CRTC3: variants seen among roughly 807,000 people sequenced by gnomAD.
The protein encoded by CRTC3 is CREB-regulated transcription coactivator 3.
A neutral mutation model predicts 74.5 loss-of-function variants in CRTC3; 26 were observed. The observed-to-expected ratio is 0.35, with a 90% CI of 0.26 to 0.48. CRTC3 has a LOEUF of 0.48. Ranked by LOEUF, CRTC3 falls within the 20% of genes least tolerant of loss-of-function variation. The pLI, the probability that CRTC3 is intolerant of heterozygous loss-of-function variation, is 0.99. For synonymous variants in CRTC3, 377 were observed against 325.8 expected (o/e 1.16, Z -1.69); for missense variants, 760 against 787.3 (o/e 0.97, Z 0.41).
At chr15:90,570,699 A>G (rs1172535430) in intron 2 of CRTC3, among the ~76,000 whole-genome samples, 1 of 152,198 alleles carries the variant, frequency 6.6e-6, no homozygotes, top group Admixed American at 6.5e-5. Context: ...GATAACAGTA[A>G]TGCATCCTCA....
intron 2 of CRTC3, among the ~76,000 whole-genome samples, chr15:90,576,241 A>G (rs1180439184): frequency 3.9e-5 from 6 of 152,162 alleles, no homozygotes; most frequent in Non-Finnish European, 8.8e-5. Flanking sequence ...CCATCTCTAA[A>G]ATATAAATAA....
intron 2 of CRTC3, among the ~76,000 whole-genome samples, chr15:90,562,740 TGA>T (rs1272175071): frequency 2.0e-5 from 3 of 152,128 alleles, no homozygotes. Context: ...TCGCCTGAAC[TGA>T]GAGTCTCACC....
At chr15:90,612,469 C>T (rs1968386487) in intron 6 of CRTC3, among the ~76,000 whole-genome samples, 2 of 152,114 alleles carry the variant, frequency 1.3e-5, no homozygotes, top group East Asian at 3.9e-4. Context: ...GGGGCTGTCA[C>T]ATGGGGTATC....
chr15:90,571,190 T>C (rs1010948404), intron 2 of CRTC3, among the ~76,000 whole-genome samples: 5 of 152,048 alleles, frequency 3.3e-5, no homozygotes, highest in Admixed American at 2.0e-4. Flanking sequence ...TTCAGTCCAG[T>C]GGGAGAGGCA....
At chr15:90,598,282 A>C in intron 3 of CRTC3, 1 of 610,474 alleles carries the variant, frequency 1.6e-6, no homozygotes, top group Non-Finnish European at 2.9e-6. Context: ...GCCGCAGGTC[A>C]AGCAGCACAA....
rs139326712 is a variant in CRTC3, at chr15:90,565,091, C to T, written c.231+24954C>T. Reference sequence around the variant, plus strand: ...CCGAGTAGGTGGGATTACAGACATGCGTGACCACGCTGGCTAATTTTGTAT... The same window carrying T: ...CCGAGTAGGTGGGATTACAGACATGTGTGACCACGCTGGCTAATTTTGTAT... On this transcript the variant is annotated intron_variant, in intron 2 of 14. Transcript: ENST00000268184. Among the ~76,000 whole-genome samples the T allele has an allele frequency of 6.6e-4, 100 of 152,278 alleles. 1 individual carries two copies. The highest frequency in any genetic ancestry group is 2.4e-3 in the African/African-American group (98 of 41,544).
chr15:90,618,952 T>A (rs951711224), intron 8 of CRTC3, among the ~76,000 whole-genome samples: 1 of 152,184 alleles, frequency 6.6e-6, no homozygotes, highest in African/African-American at 2.4e-5. Context: ...TGTGCCCTCC[T>A]CCCTGAGTAC....
intron 1 of CRTC3, among the ~76,000 whole-genome samples, chr15:90,533,362 A>T (rs1205545939): frequency 6.7e-6 from 1 of 148,818 alleles, no homozygotes; most frequent in African/African-American, 2.5e-5. Flanking sequence ...CGGAGCTTGC[A>T]GTGAGCCGAG....
chr15:90,553,215 G>C (rs9920160), intron 2 of CRTC3, among the ~76,000 whole-genome samples: 3,455 of 152,022 alleles, frequency 0.023, 135 homozygotes, highest in African/African-American at 0.078. Context: ...TTAAGAGTTC[G>C]TACCTCCTGA....
chr15:90,598,596 G>A (rs1369358797), intron 3 of CRTC3: 7 of 694,476 alleles, frequency 1.0e-5, no homozygotes, highest in African/African-American at 7.0e-5. Context: ...CTTGGTGGAC[G>A]GTGGCCTCAC....
rs759678319 is a variant in CRTC3 at position 90,629,816 on chromosome 15, G to C, written c.1266+284G>C. On this transcript the variant is annotated intron_variant, in intron 11 of 14. Coordinates refer to ENST00000268184, the MANE Select transcript of CRTC3 (RefSeq NM_022769.5). The stretch of plus-strand genomic sequence containing the variant: ...GCGGCTCACTGCAGCCTCACCTCCC[G>C]GGCTCAAGCGATCTTCTCACCTTAG... Among the ~76,000 whole-genome samples the C allele has an allele frequency of 2.6e-5, 4 of 152,140 alleles. No homozygotes were observed. In the East Asian group the frequency reaches 7.7e-4, roughly 29 times the overall value.
intron 9 of CRTC3, 23 bp downstream of exon 9, chr15:90,619,813 G>C (rs774004767): frequency 1.2e-6 from 2 of 1,601,956 alleles, no homozygotes; most frequent in Non-Finnish European, 1.7e-6. Flanking sequence ...CTTTCTGTTC[G>C]TGTTTCAGGG....
intron 2 of CRTC3, among the ~76,000 whole-genome samples, chr15:90,568,934 G>A (rs7166173): frequency 0.79 from 119,607 of 151,876 alleles, 47,312 homozygotes; most frequent in African/African-American, 0.85. Context: ...TATTTTTCAT[G>A]CATAATGCTA....
intron 2 of CRTC3, among the ~76,000 whole-genome samples, chr15:90,580,675 G>A (rs565818159): frequency 3.3e-5 from 5 of 151,978 alleles, no homozygotes; most frequent in East Asian, 1.9e-4. Context: ...TGATCCACCC[G>A]TCTCAGCCTC....
chr15:90,611,309 T>C (rs1968351243), intron 6 of CRTC3, among the ~76,000 whole-genome samples: 1 of 152,112 alleles, frequency 6.6e-6, no homozygotes, highest in East Asian at 1.9e-4. Flanking sequence ...AGAAGGAACA[T>C]GGTCTCGGTT....
intron 7 of CRTC3, 25 bp from the exon 8 acceptor site, chr15:90,617,858 T>C (rs1968534235): frequency 6.5e-7 from 1 of 1,529,686 alleles, no homozygotes. Flanking sequence ...ATGCAATGAC[T>C]GTGCTGCTTT....
At chr15:90,611,320 C>G (rs1485388752) in intron 6 of CRTC3, among the ~76,000 whole-genome samples, 1 of 152,102 alleles carries the variant, frequency 6.6e-6, no homozygotes, top group Non-Finnish European at 1.5e-5. Context: ...GGTCTCGGTT[C>G]CCTTAGTTAG....
At position 90,572,927 on chromosome 15, in the gene CRTC3, C is replaced by T. The variant is rs559196505; in HGVS notation, c.232-20709C>T. On this transcript the variant is annotated intron_variant, in intron 2 of 14. Coordinates refer to ENST00000268184, the MANE Select transcript of CRTC3 (RefSeq NM_022769.5). ...TGGTTAAAAAACACATAACTTAAAA[C>T]TTAACATCTTGATTTATTTTTAAGT... 2.6e-5 allele frequency among the ~76,000 whole-genome samples: 4 copies of T among 152,258 alleles called. No individual in the cohort carries two copies. In the East Asian group the frequency reaches 7.7e-4, roughly 29 times the overall value.
chr15:90,567,045 G>T (rs1967139265), intron 2 of CRTC3, among the ~76,000 whole-genome samples: 1 of 152,042 alleles, frequency 6.6e-6, no homozygotes, highest in African/African-American at 2.4e-5. Context: ...GTCTCTTTTG[G>T]AAGCAGATGC....
Sources: allele counts gnomAD v4.1 joint callset (sites outside exome capture counted in the v4.1 genomes callset), GRCh38; gene constraint gnomAD v4.1.1; transcripts MANE v1.5; gene names NCBI Gene and HGNC (gene_info 2026-07-23, HGNC 2026-07-21).